The following TAC3 variants were observed in gnomAD, a reference collection of about 807,000 sequenced individuals.
TAC3 encodes tachykinin-3.
A neutral mutation model predicts 16.5 loss-of-function variants in TAC3; 9 were observed. That is an observed-to-expected ratio of 0.55 (90% CI 0.33 to 0.95). The LOEUF (loss-of-function observed/expected upper bound fraction) is 0.95, where lower values mean the gene tolerates loss of function less well. TAC3 is among the 40% of genes least tolerant of loss of function. TAC3 has a pLI of 0.03. For synonymous variants in TAC3, 52 were observed against 56.7 expected, an observed-to-expected ratio of 0.92 and a Z score of 0.37; for missense variants, 129 against 149.1, an observed-to-expected ratio of 0.87 and a Z score of 0.70.
chr12:57,013,368 G>A lies in TAC3; in HGVS notation c.229C>T (p.Pro77Ser), dbSNP rs373710508. ...ASTDPKESTS[P>S]EKRDMHDFFV... The stretch of plus-strand genomic sequence containing the variant: ...AGAAGAGGGTACTTACGTTTCTCGG[G>A]AGATGTTGATTCCTTAGGATCTGTG... Residue 77 changes from proline (P) to serine (S), a missense_variant, in exon 4 of 7, where the codon CCC (proline) becomes TCC (serine). Coordinates refer to ENST00000458521, the MANE Select transcript of TAC3 (RefSeq NM_013251.4). 1.2e-6 allele frequency: 2 copies of A among 1,614,082 alleles called. No individual in the cohort carries two copies. The highest frequency in any genetic ancestry group is 8.5e-7 in the Non-Finnish European group (1 of 1,179,940).
intron 6 of TAC3, among the ~76,000 whole-genome samples, chr12:57,010,502 A>G (rs1304901159): frequency 6.6e-6 from 1 of 152,174 alleles, no homozygotes; most frequent in Non-Finnish European, 1.5e-5. Flanking sequence ...GCACCTTCCC[A>G]GCTGCCATAT....
chr12:57,013,334 TAGGG>T (rs747747298), intron 4 of TAC3, 21 bp downstream of exon 4: 3 of 1,613,478 alleles, frequency 1.9e-6, no homozygotes, highest in African/African-American at 2.7e-5. Context: ...TGGCAAGAGA[TAGGG>T]AGGGAGAAGA....
At position 57,010,125 on chromosome 12, in the gene TAC3, G is replaced by T. The variant is rs1363129160; in HGVS notation, c.*165C>A. On this transcript the variant is annotated 3_prime_UTR_variant, in exon 7 of 7. Transcript: ENST00000458521. ...CATTGGGGTTGGGGATATTCACTAT[G>T]CAGTTTCCACACCAGGGTCAGGTAG... 2.2e-6 allele frequency: 1 copy of T among 454,040 alleles called. No homozygotes were observed. Among genetic ancestry groups the T allele is most frequent in the Admixed American group, 2.3e-5 (1 of 42,568 alleles). 28.1% of individuals were successfully genotyped at this position (454,040 alleles called of 1,614,324 possible).
chr12:57,015,826 T>G (rs1344551323), intron 1 of TAC3, 24 bp from the exon 2 acceptor site: 2 of 1,589,662 alleles, frequency 1.3e-6, no homozygotes, highest in Admixed American at 3.3e-5. Context: ...GGGACAGGAC[T>G]CAGGTAAAGG....
intron 6 of TAC3, chr12:57,011,012 T>A (rs1956290446): frequency 6.6e-6 from 1 of 152,582 alleles, no homozygotes. Flanking sequence ...TTATGGCCAG[T>A]GCATAACGCT....
At position 57,012,803 on chromosome 12, in the gene TAC3, TAC is replaced by T; in HGVS notation, c.292+17_292+18del. 5.6e-6 allele frequency: 9 copies of T among 1,614,104 alleles called. No individual in the cohort carries two copies. Among genetic ancestry groups the T allele is most frequent in the Non-Finnish European group, 7.6e-6 (9 of 1,179,986 alleles). On this transcript the variant is annotated intron_variant, in intron 5 of 6. Coordinates refer to ENST00000458521, the MANE Select transcript of TAC3 (RefSeq NM_013251.4). ...GCCAGTACCCTAAGCCCTTCCACTGTACCTCCACACACTCCTACCTGGCTGGA... is the reference window on the plus strand; with the variant it reads ...GCCAGTACCCTAAGCCCTTCCACTGTCTCCACACACTCCTACCTGGCTGGA...
intron 6 of TAC3, among the ~76,000 whole-genome samples, chr12:57,011,340 C>A (rs768354252): frequency 1.3e-4 from 20 of 152,318 alleles, no homozygotes; most frequent in Middle Eastern, 6.8e-3. Context: ...TGATTACGAG[C>A]CTTCCCAATC....
Position 57,015,805 on chromosome 12 carries a change from G to A in TAC3, c.-5-3C>T. 5.6e-6 allele frequency: 9 copies of A among 1,611,824 alleles called. No individual in the cohort carries two copies. The highest frequency in any genetic ancestry group is 7.6e-6 in the Non-Finnish European group (9 of 1,178,098). ...TAGCAGCATGATCCTCATGGTGCCTGGGAGAGCAAAGGGACAGGACTCAGG... is the reference window on the plus strand; with the variant it reads ...TAGCAGCATGATCCTCATGGTGCCTAGGAGAGCAAAGGGACAGGACTCAGG... On this transcript the variant is annotated splice_polypyrimidine_tract_variant and splice_region_variant and intron_variant, in intron 1 of 6. Transcript: ENST00000458521.
In TAC3 at chr12:57,016,504, C is replaced by A. The variant is rs1202118059; in HGVS notation, c.-123G>T. 2 of 454,342 alleles carry A rather than the reference C, an allele frequency of 4.4e-6. No individual in the cohort carries two copies. Among genetic ancestry groups the A allele is most frequent in the African/African-American group, 4.0e-5 (2 of 49,952 alleles). 28.1% of individuals were successfully genotyped at this position (454,342 alleles called of 1,614,324 possible). A position where few individuals can be genotyped will look rare whatever the true frequency, so the allele number is the denominator to read the frequency against. ...GCCGGTGCTCCTGCAAAGAGAGAAA[C>A]CGAGTGGAGGGGATCTAGGAAGGCT... On this transcript the variant is annotated 5_prime_UTR_variant, in exon 1 of 7. Coordinates refer to ENST00000458521, the MANE Select transcript of TAC3 (RefSeq NM_013251.4).
intron 2 of TAC3, among the ~76,000 whole-genome samples, chr12:57,014,366 G>A (rs373681333): frequency 6.6e-5 from 10 of 152,192 alleles, no homozygotes; most frequent in South Asian, 2.1e-4. Flanking sequence ...TCTCAGCAGC[G>A]CCTCTCTTTC....
At position 57,013,645 on chromosome 12, in the gene TAC3, G is replaced by A; in HGVS notation, c.141C>T (p.Leu47=). 1 of 1,613,290 alleles carries A rather than the reference G, an allele frequency of 6.2e-7. No homozygotes were observed. Among genetic ancestry groups the A allele is most frequent in the African/African-American group, 1.3e-5 (1 of 74,998 alleles). ...SKRDPDLYQL[L]QRLFKSHSSL... Reference sequence around the variant, plus strand: ...ATGAGTGGCTTTTGAAGAGTCTCTGGAGCAGCTGGTAGAGATCTGGATCCC... The same window carrying A: ...ATGAGTGGCTTTTGAAGAGTCTCTGAAGCAGCTGGTAGAGATCTGGATCCC... The change falls in exon 3 of 7, where the codon CTC becomes CTT. Residue 47 remains leucine, a synonymous_variant. Transcript: ENST00000458521.
chr12:57,012,654 A>G, intron 5 of TAC3, 168 bp downstream of exon 5: 1 of 1,613,094 alleles, frequency 6.2e-7, no homozygotes, highest in East Asian at 2.2e-5. Flanking sequence ...GTTCCCAGGG[A>G]AGACTTTCCT....
chr12:57,011,566 C>T (rs1286850556), intron 6 of TAC3, among the ~76,000 whole-genome samples: 1 of 152,190 alleles, frequency 6.6e-6, no homozygotes, highest in Non-Finnish European at 1.5e-5. Context: ...CAGAGCCAGT[C>T]AGGGGAAACA....
At chr12:57,012,791 G>A in intron 5 of TAC3, 31 bp downstream of exon 5, 1 of 1,614,038 alleles carries the variant, frequency 6.2e-7, no homozygotes, top group African/African-American at 1.3e-5. Context: ...AGTACCCTAA[G>A]CCCTTCCACT....
intron 2 of TAC3, among the ~76,000 whole-genome samples, chr12:57,014,875 A>T (rs1956350853): frequency 6.6e-6 from 1 of 152,200 alleles, no homozygotes; most frequent in Admixed American, 6.5e-5. Flanking sequence ...AACAGATTTG[A>T]GCTGAAGAGG....
rs200211537 is a variant in TAC3 at position 57,013,568 on chromosome 12, C to A, written c.208+10G>T. 28 of 1,612,418 alleles carry A rather than the reference C, an allele frequency of 1.7e-5. No individual in the cohort carries two copies. The highest frequency in any genetic ancestry group is 5.9e-6 in the Non-Finnish European group (7 of 1,179,516). ...CCCTCATTCCCCTCTCCCCTAGGGC[C>A]GCCTCCTACCTGTGCTAGCCTGGCT... is the stretch of plus-strand genomic sequence containing the variant. On this transcript the variant is annotated intron_variant, in intron 3 of 6. Coordinates refer to ENST00000458521, the MANE Select transcript of TAC3 (RefSeq NM_013251.4).
rs1183719797 is a variant in TAC3, at chr12:57,010,032, TAGAG to T, written c.*254_*257del. 4.5e-6 allele frequency: 2 copies of T among 440,798 alleles called. No homozygotes were observed. Among genetic ancestry groups the T allele is most frequent in the East Asian group, 7.1e-5 (1 of 14,140 alleles). 27.3% of individuals were successfully genotyped at this position (440,798 alleles called of 1,614,324 possible). On this transcript the variant is annotated 3_prime_UTR_variant, in exon 7 of 7. Transcript: ENST00000458521. ...GCAAAAATCCTTTATTGTTGAGGAA[TAGAG>T]AGAGACATTATATTTTTAATGTAGG...
rs989479695 is a variant in TAC3, at chr12:57,016,505, C to G, written c.-124G>C. On this transcript the variant is annotated 5_prime_UTR_variant, in exon 1 of 7. Transcript: ENST00000458521. The stretch of plus-strand genomic sequence containing the variant: ...CCGGTGCTCCTGCAAAGAGAGAAAC[C>G]GAGTGGAGGGGATCTAGGAAGGCTG... 6.6e-6 allele frequency: 3 copies of G among 454,420 alleles called. No individual in the cohort carries two copies. The highest frequency in any genetic ancestry group is 7.0e-5 in the East Asian group (1 of 14,388). 28.1% of individuals were successfully genotyped at this position (454,420 alleles called of 1,614,324 possible).
chr12:57,015,585 G>A (rs950713914), intron 2 of TAC3, 99 bp downstream of exon 2: 13 of 1,069,264 alleles, frequency 1.2e-5, no homozygotes, highest in Admixed American at 1.7e-5. Context: ...GCCCTCTGAC[G>A]GACAACCCCC....
Sources: gnomAD v4.1 joint callset for allele counts (sites outside exome capture counted in the v4.1 genomes callset) on GRCh38, gnomAD v4.1.1 for gene constraint, MANE v1.5 for transcripts, NCBI Gene and HGNC (gene_info 2026-07-23, HGNC 2026-07-21) for gene names.